R3HDM2: variants seen among roughly 807,000 people sequenced by gnomAD.
R3HDM2 encodes the protein R3H domain containing 2.
Under a neutral mutation model 124.5 loss-of-function variants are expected in R3HDM2, and 38 were observed. That is an observed-to-expected ratio of 0.31 (90% CI 0.24 to 0.40). The LOEUF is 0.40. R3HDM2 is among the 10% of genes least tolerant of loss of function. The probability of loss-of-function intolerance (pLI) is 1.00; values close to 1 mark genes in which losing one functional copy is unlikely to be tolerated. For missense variants in R3HDM2, 869 were observed against 1,236.9 expected (o/e 0.70, Z 4.46); for synonymous variants, 391 against 448.0 (o/e 0.87, Z 1.61).
chr12:57,359,574 A>G (rs950542387), intron 2 of R3HDM2, among the ~76,000 whole-genome samples: 1 of 152,168 alleles, frequency 6.6e-6, no homozygotes, highest in African/African-American at 2.4e-5. Flanking sequence ...TAGTCTGTGT[A>G]TTGAAATATA....
At chr12:57,356,475 G>A (rs546538470) in intron 2 of R3HDM2, among the ~76,000 whole-genome samples, 57 of 152,232 alleles carry the variant, frequency 3.7e-4, no homozygotes, top group Middle Eastern at 3.4e-3. Flanking sequence ...TTCACATATC[G>A]TTGGCTTTAA....
chr12:57,331,681 G>A (rs930536286), intron 2 of R3HDM2, among the ~76,000 whole-genome samples: 42 of 152,006 alleles, frequency 2.8e-4, no homozygotes, highest in Non-Finnish European at 8.8e-5. Context: ...TTGGGAGGCC[G>A]AGGTGGGTGG....
chr12:57,254,714 T>C lies in R3HDM2; in HGVS notation c.*59A>G. 1 of 1,398,838 alleles carries C rather than the reference T, an allele frequency of 7.1e-7. No homozygotes were observed. The highest frequency in any genetic ancestry group is 9.7e-7 in the Non-Finnish European group (1 of 1,027,014). The allele number at this position is 1,398,838 out of a possible 1,614,324, so 86.7% of individuals were successfully genotyped here. ...CTCTGTCCATGGTCTGTCAGGATCC[T>C]TCAACCCCCTCCACCCTGCCCTTGC... On this transcript the variant is annotated 3_prime_UTR_variant, in exon 24 of 24. Transcript: ENST00000402412.
intron 1 of R3HDM2, among the ~76,000 whole-genome samples, chr12:57,419,212 C>T (rs1411720866): frequency 1.3e-5 from 2 of 148,402 alleles, no homozygotes; most frequent in African/African-American, 2.5e-5. Context: ...GGAGTGATCT[C>T]GGCTCACTGC....
intron 11 of R3HDM2, among the ~76,000 whole-genome samples, chr12:57,290,607 CTTT>C (rs1030931766): frequency 5.9e-5 from 9 of 152,040 alleles, no homozygotes; most frequent in African/African-American, 1.2e-4. Context: ...GTGCTTGCTA[CTTT>C]TTTTTATTTT....
chr12:57,421,472 TA>T (rs1220433441), intron 1 of R3HDM2, among the ~76,000 whole-genome samples: 2 of 109,580 alleles, frequency 1.8e-5, no homozygotes, highest in African/African-American at 3.2e-5. Flanking sequence ...TTTTTTTTTT[TA>T]AAGACAGGGT....
At chr12:57,316,970 C>T (rs2055177210) in intron 2 of R3HDM2, among the ~76,000 whole-genome samples, 1 of 152,086 alleles carries the variant, frequency 6.6e-6, no homozygotes, top group Non-Finnish European at 1.5e-5. Context: ...TGCTCTTGAA[C>T]TCCTGACCTC....
intron 10 of R3HDM2, among the ~76,000 whole-genome samples, chr12:57,293,832 A>G (rs1291703850): frequency 6.6e-6 from 1 of 152,212 alleles, no homozygotes; most frequent in African/African-American, 2.4e-5. Context: ...GCCTAGATTT[A>G]GTTCTCATTA....
At chr12:57,418,350 CTT>C in intron 1 of R3HDM2, 4 of 985,398 alleles carry the variant, frequency 4.1e-6, no homozygotes, top group Non-Finnish European at 4.8e-6. Flanking sequence ...GCCTCCAGAG[CTT>C]TCTTTTGCCT....
intron 2 of R3HDM2, among the ~76,000 whole-genome samples, chr12:57,387,217 G>T (rs2065971666): frequency 1.3e-5 from 2 of 152,062 alleles, no homozygotes; most frequent in South Asian, 4.1e-4. Flanking sequence ...TGGAAGCTTT[G>T]TTCTTTCGCT....
chr12:57,319,189 C>A (rs1403863459), intron 2 of R3HDM2, among the ~76,000 whole-genome samples: 1 of 152,108 alleles, frequency 6.6e-6, no homozygotes, highest in Non-Finnish European at 1.5e-5. Flanking sequence ...CGGGTTCAAG[C>A]AATTTCCGGC....
rs1283411732 is a variant in R3HDM2, at chr12:57,283,870, G to A, written c.1125C>T (p.Ser375=). The change falls in exon 13 of 24, where the codon AGC becomes AGT. Residue 375 remains serine, a synonymous_variant. Transcript: ENST00000402412. ...CACTGCCGCCTTTACTGCTGCCGAT[G>A]CTGTCACCTCGGGTAAGGATAGAGA... The part of the protein sequence containing the change: ...SGISILTRGD[S]IGSSKGGSAG... The A allele has an allele frequency of 3.1e-6, 5 of 1,614,094 alleles. No individual in the cohort carries two copies. The highest frequency in any genetic ancestry group is 2.2e-5 in the East Asian group (1 of 44,900).
intron 19 of R3HDM2, among the ~76,000 whole-genome samples, chr12:57,262,928 A>C (rs1345519019): frequency 6.6e-6 from 1 of 152,190 alleles, no homozygotes; most frequent in Non-Finnish European, 1.5e-5. Context: ...GATAAAACTG[A>C]GAAAATTCCA....
chr12:57,335,353 G>A (rs939129593), intron 2 of R3HDM2, among the ~76,000 whole-genome samples: 3 of 149,230 alleles, frequency 2.0e-5, no homozygotes, highest in African/African-American at 4.9e-5. Flanking sequence ...GACTACAGAC[G>A]CCTGCCACCA....
At chr12:57,330,866 T>C (rs531260619) in intron 2 of R3HDM2, among the ~76,000 whole-genome samples, 9 of 151,454 alleles carry the variant, frequency 5.9e-5, no homozygotes, top group Admixed American at 3.3e-4. Context: ...GCCCTGCTAA[T>C]TTTTTTGTAT....
At chr12:57,286,729 T>C (rs927578806) in intron 12 of R3HDM2, among the ~76,000 whole-genome samples, 10 of 151,966 alleles carry the variant, frequency 6.6e-5, no homozygotes, top group African/African-American at 2.4e-4. Context: ...AAACACAAAA[T>C]TAGCCAGGTG....
At chr12:57,400,496 T>C (rs569531734) in intron 1 of R3HDM2, among the ~76,000 whole-genome samples, 1 of 152,216 alleles carries the variant, frequency 6.6e-6, no homozygotes, top group South Asian at 2.1e-4. Context: ...GACGAGTTAA[T>C]GGGTGCAGCA....
chr12:57,334,089 C>T (rs2058560274), intron 2 of R3HDM2, among the ~76,000 whole-genome samples: 1 of 152,002 alleles, frequency 6.6e-6, no homozygotes. Flanking sequence ...TAAAAAAAAC[C>T]TCCTCTAGTC....
At chr12:57,270,467 TTGCCCAGGC>T (rs2043355384) in intron 14 of R3HDM2, among the ~76,000 whole-genome samples, 1 of 152,142 alleles carries the variant, frequency 6.6e-6, no homozygotes, top group African/African-American at 2.4e-5. Context: ...TTGGTTCTTG[TTGCCCAGGC>T]TGTAGTGCAA....
Sources: gnomAD v4.1 joint callset for allele counts (sites outside exome capture counted in the v4.1 genomes callset) on GRCh38, gnomAD v4.1.1 for gene constraint, MANE v1.5 for transcripts, NCBI Gene and HGNC (gene_info 2026-07-23, HGNC 2026-07-21) for gene names.